DAGLB: variants seen among roughly 807,000 people sequenced by gnomAD.
The protein encoded by DAGLB is diacylglycerol lipase beta, also known as diacylglycerol lipase-beta.
A neutral mutation model predicts 72.1 loss-of-function variants in DAGLB; 66 were observed. The observed-to-expected ratio is 0.92, with a 90% CI of 0.75 to 1.12. The LOEUF is 1.12. Ranked by LOEUF, DAGLB falls within the 50% of genes most tolerant of loss-of-function variation. DAGLB has a pLI of 0.00. For synonymous variants in DAGLB, 414 were observed against 359.5 expected (o/e 1.15, Z -1.71); for missense variants, 1,065 against 884.9 (o/e 1.20, Z -2.58).
At chr7:6,413,132 C>CA in intron 11 of DAGLB, 98 bp from the exon 12 acceptor site, 3 of 1,269,968 alleles carry the variant, frequency 2.4e-6, no homozygotes, top group Non-Finnish European at 3.3e-6. Flanking sequence ...GTTAGGTTCC[C>CA]AGGCCTCAGC....
In DAGLB at chr7:6,416,721, C is replaced by G; in HGVS notation, c.1333G>C (p.Gly445Arg). ...YRLVIVGHSL[G>R]GGAAALLATM... Reference sequence around the variant, plus strand: ...GCCAGCAGGGCGGCCGCCCCGCCCCCGAGGCTGTGGCCCACTATGACCAGC... The same window carrying G: ...GCCAGCAGGGCGGCCGCCCCGCCCCGGAGGCTGTGGCCCACTATGACCAGC... The change falls in exon 11 of 15, where the codon GGG (glycine) becomes CGG (arginine). Residue 445 changes from glycine to arginine, a missense_variant. By Grantham distance (125) the Gly-to-Arg change is moderately radical. Transcript: ENST00000297056. The G allele has an allele frequency of 6.2e-7, 1 of 1,613,592 alleles. No individual in the cohort carries two copies. The highest frequency in any genetic ancestry group is 8.5e-7 in the Non-Finnish European group (1 of 1,179,812).
chr7:6,447,867 C>G lies in DAGLB; in HGVS notation c.-25G>C, dbSNP rs1195184371. ...TGGCGAAGGTCCCGTAGCTCGCACT[C>G]AGGAGAGACCCCGCGCGCCGTTCAC... On this transcript the variant is annotated 5_prime_UTR_variant, in exon 1 of 15. Coordinates refer to ENST00000297056, the MANE Select transcript of DAGLB (RefSeq NM_139179.4). 3.8e-6 allele frequency: 6 copies of G among 1,591,304 alleles called. No homozygotes were observed. Among genetic ancestry groups the G allele is most frequent in the Non-Finnish European group, 5.1e-6 (6 of 1,171,276 alleles).
Position 6,424,904 on chromosome 7 carries a change from C to T in DAGLB, c.1057-69G>A, listed in dbSNP as rs958510171. 15 of 1,506,698 alleles carry T rather than the reference C, an allele frequency of 1.0e-5. 1 individual carries two copies. The highest frequency in any genetic ancestry group is 2.7e-5 in the African/African-American group (2 of 72,806). The allele number at this position is 1,506,698 out of a possible 1,614,324, so 93.3% of individuals were successfully genotyped here. A position where few individuals can be genotyped will look rare whatever the true frequency, so the allele number is the denominator to read the frequency against. On this transcript the variant is annotated intron_variant, in intron 7 of 14. Coordinates refer to ENST00000297056, the MANE Select transcript of DAGLB (RefSeq NM_139179.4). ...ACGCACCAGCACGCAAAGTCGGAGC[C>T]CTGCAGTGTCTGCAATGACAGCCCA...
At chr7:6,412,616 C>T (rs777306775) in intron 13 of DAGLB, 195 bp downstream of exon 13, 12 of 644,988 alleles carry the variant, frequency 1.9e-5, no homozygotes, top group South Asian at 7.5e-5. Flanking sequence ...TGACATTTCC[C>T]GCACTTGCTG....
intron 3 of DAGLB, among the ~76,000 whole-genome samples, chr7:6,435,675 G>A (rs919029828): frequency 1.3e-5 from 2 of 152,062 alleles, no homozygotes; most frequent in African/African-American, 2.4e-5. Flanking sequence ...GGTGCCTCAG[G>A]GCTCTTCTCA....
chr7:6,443,099 C>G (rs543232790), intron 2 of DAGLB, among the ~76,000 whole-genome samples: 1 of 149,028 alleles, frequency 6.7e-6, no homozygotes, highest in South Asian at 2.1e-4. Context: ...AGGAGAATGG[C>G]GTGAACCCGG....
chr7:6,422,825 A>G (rs1320753666), intron 8 of DAGLB: 2 of 152,268 alleles, frequency 1.3e-5, no homozygotes, highest in African/African-American at 4.8e-5. Flanking sequence ...CCTCAGCGTC[A>G]CACAGTATAC....
In DAGLB at chr7:6,446,477, C is replaced by CAAAAAAAAAAAA. The variant is rs748156438; in HGVS notation, c.96-385_96-374dup. On this transcript the variant is annotated intron_variant, in intron 1 of 14. Coordinates refer to ENST00000297056, the MANE Select transcript of DAGLB (RefSeq NM_139179.4). The stretch of plus-strand genomic sequence containing the variant: ...TGGGCAACGATATGAGACTCCGTCT[C>CAAAAAAAAAAAA]AAAAAAAAAAAAAAAAAAAAAAAAA... Among the ~76,000 whole-genome samples, 114 of 58,654 alleles carry CAAAAAAAAAAAA rather than the reference C, an allele frequency of 1.9e-3. 11 individuals carry two copies. The highest frequency in any genetic ancestry group is 2.7e-3 in the Non-Finnish European group (92 of 34,704). The allele number at this position is 58,654 out of a possible 152,430, so 38.5% of individuals were successfully genotyped here. A position where few individuals can be genotyped will look rare whatever the true frequency, so the allele number is the denominator to read the frequency against.
chr7:6,416,661 A>C lies in DAGLB; in HGVS notation c.1393T>G (p.Cys465Gly). 1 of 1,613,580 alleles carries C rather than the reference A, an allele frequency of 6.2e-7. No individual in the cohort carries two copies. Among genetic ancestry groups the C allele is most frequent in the Non-Finnish European group, 8.5e-7 (1 of 1,179,796 alleles). The change falls in exon 11 of 15, where the codon TGC becomes GGC. Residue 465 changes from cysteine (C) to glycine (G), a missense_variant. By Grantham distance (159) the Cys-to-Gly change is radical. Coordinates refer to ENST00000297056, the MANE Select transcript of DAGLB (RefSeq NM_139179.4). ...MLRAAYPQVRCYAFSPPRGLW... is the reference protein window; with the variant it reads ...MLRAAYPQVRGYAFSPPRGLW... ...CCCCGGGGTGGGGAGAAGGCGTAGC[A>C]CCTGACCTGCGGGTAGGCGGCTCTG...
At chr7:6,436,581 G>T (rs1280894266) in intron 2 of DAGLB, 48 bp from the exon 3 acceptor site, 1 of 1,609,264 alleles carries the variant, frequency 6.2e-7, no homozygotes, top group African/African-American at 1.3e-5. Flanking sequence ...CCTCAGAGAT[G>T]AAGAGCTTCC....
In DAGLB at chr7:6,444,379, A is replaced by G. The variant is rs1247414896; in HGVS notation, c.247+1574T>C. ...CACTTTGGGAGGTCGAAGCGGGTGG[A>G]TCACGTGAGGTCAGGAGATCGAGAC... On this transcript the variant is annotated intron_variant, in intron 2 of 14. Coordinates refer to ENST00000297056, the MANE Select transcript of DAGLB (RefSeq NM_139179.4). 4.6e-5 allele frequency among the ~76,000 whole-genome samples: 7 copies of G among 152,332 alleles called. No individual in the cohort carries two copies. The East Asian group carries it at 1.2e-3, about 25-fold the overall frequency.
chr7:6,433,551 A>T (rs1281030841), intron 4 of DAGLB, among the ~76,000 whole-genome samples: 4 of 152,182 alleles, frequency 2.6e-5, no homozygotes, highest in Non-Finnish European at 5.9e-5. Flanking sequence ...AAGAATGGAC[A>T]ATATACTGCC....
intron 9 of DAGLB, among the ~76,000 whole-genome samples, chr7:6,421,224 G>A (rs927214917): frequency 5.9e-5 from 9 of 152,232 alleles, no homozygotes; most frequent in African/African-American, 9.6e-5. Context: ...CGCGACTTTG[G>A]GCAAGGCACT....
At chr7:6,418,907 A>G (rs908470062) in intron 9 of DAGLB, among the ~76,000 whole-genome samples, 4 of 151,084 alleles carry the variant, frequency 2.6e-5, no homozygotes, top group African/African-American at 9.7e-5. Context: ...CTCGTGATCC[A>G]CCCGCCTCGG....
intron 6 of DAGLB, among the ~76,000 whole-genome samples, chr7:6,427,515 G>C (rs1446476124): frequency 6.6e-6 from 1 of 152,116 alleles, no homozygotes; most frequent in Non-Finnish European, 1.5e-5. Flanking sequence ...AAAATTATCT[G>C]GGTCTGGCAG....
At chr7:6,447,212 C>A (rs1359863425) in intron 1 of DAGLB, among the ~76,000 whole-genome samples, 23 of 152,192 alleles carry the variant, frequency 1.5e-4, no homozygotes. Flanking sequence ...GGTACCAATG[C>A]CACTTCCCAC....
intron 3 of DAGLB, 131 bp downstream of exon 3, chr7:6,436,231 G>A (rs775239001): frequency 5.6e-5 from 65 of 1,165,596 alleles, no homozygotes; most frequent in African/African-American, 1.1e-4. Context: ...CATGAGTTAC[G>A]CAGAAACTAA....
chr7:6,416,481 T>G (rs749528949), intron 11 of DAGLB, 146 bp downstream of exon 11: 65 of 1,215,338 alleles, frequency 5.3e-5, no homozygotes, highest in Admixed American at 8.5e-5. Context: ...AGGTGGAGCT[T>G]GCAGTGAGCC....
intron 9 of DAGLB, 97 bp from the exon 10 acceptor site, chr7:6,417,018 G>C: frequency 1.5e-6 from 2 of 1,366,734 alleles, no homozygotes; most frequent in Non-Finnish European, 1.0e-6. Context: ...TGATGTGTGA[G>C]TCTCTCCTGG....
Sources: gnomAD v4.1 joint callset for allele counts (sites outside exome capture counted in the v4.1 genomes callset) on GRCh38, gnomAD v4.1.1 for gene constraint, MANE v1.5 for transcripts, NCBI Gene and HGNC (gene_info 2026-07-23, HGNC 2026-07-21) for gene names.